RNF6: variants seen among roughly 807,000 people sequenced by gnomAD.
RNF6 encodes E3 ubiquitin-protein ligase RNF6.
Under a neutral mutation model 50.1 loss-of-function variants are expected in RNF6, and 21 were observed. The observed-to-expected ratio is 0.42, with a 90% CI of 0.30 to 0.60. The LOEUF (loss-of-function observed/expected upper bound fraction) is 0.60. Ranked by LOEUF, RNF6 falls within the 20% of genes least tolerant of loss-of-function variation. The probability of loss-of-function intolerance (pLI) is 0.20; values close to 1 mark genes in which losing one functional copy is unlikely to be tolerated. For missense variants in RNF6, 698 were observed against 838.2 expected (o/e 0.83, Z 2.07); for synonymous variants, 255 against 291.8 (o/e 0.87, Z 1.29).
chr13:26,145,259 G>A (rs1382751663), intron 5 of RNF6, among the ~76,000 whole-genome samples: 13 of 152,192 alleles, frequency 8.5e-5, no homozygotes, highest in Non-Finnish European at 1.5e-4. Context: ...ATGATAAGCC[G>A]CTGTTATTCT....
chr13:26,187,683 T>A (rs540212980), intron 5 of RNF6, among the ~76,000 whole-genome samples: 67 of 152,336 alleles, frequency 4.4e-4, no homozygotes, highest in South Asian at 2.1e-3. Flanking sequence ...TCTCTTGGAC[T>A]CCAGAGGCTG....
At chr13:26,182,556 T>C (rs1873293175) in intron 5 of RNF6, among the ~76,000 whole-genome samples, 1 of 152,080 alleles carries the variant, frequency 6.6e-6, no homozygotes, top group African/African-American at 2.4e-5. Context: ...CTTATGCCTG[T>C]AATCCCAGCA....
downstream of RNF6, among the ~76,000 whole-genome samples, chr13:26,209,786 G>GATAT (rs35139305): frequency 1.6e-3 from 220 of 140,622 alleles, 1 homozygote; most frequent in South Asian, 0.013. Context: ...GAAGATGTGA[G>GATAT]ATATATATAT....
At position 26,215,084 on chromosome 13, in the gene RNF6, T is replaced by C. The variant is rs779436632; in HGVS notation, c.798A>G (p.Glu266=). The stretch of plus-strand genomic sequence containing the variant: ...ACCGTTGCCCCTCCCTTTGCCTGAG[T>C]TCACTACCACCTGATTGGTTTGTGT... ...SSHTNQSGGS[E]LRQREGQRFG... The change falls in exon 5 of 5, where the codon GAA becomes GAG. Residue 266 remains glutamate (E), a synonymous_variant. Transcript: ENST00000381588. 1.2e-6 allele frequency: 2 copies of C among 1,614,254 alleles called. No individual in the cohort carries two copies. The highest frequency in any genetic ancestry group is 2.2e-5 in the South Asian group (2 of 91,092).
rs541317127 is a variant in RNF6 at position 26,162,059 on chromosome 13, A to G, written n.769-29608T>C. ...TATATTATGATGTTTTCACATCTTA[A>G]AAACTCTTCTGACTGGGGAGAGACT... On this transcript the variant is annotated intron_variant and non_coding_transcript_variant, in intron 5 of 5. Transcript: ENST00000468480. Among the ~76,000 whole-genome samples, 6 of 152,288 alleles carry G rather than the reference A, an allele frequency of 3.9e-5. No homozygotes were observed. In the East Asian group the frequency reaches 9.6e-4, roughly 24 times the overall value.
chr13:26,144,160 C>T (rs893856012), intron 5 of RNF6, among the ~76,000 whole-genome samples: 1 of 152,064 alleles, frequency 6.6e-6, no homozygotes, highest in Non-Finnish European at 1.5e-5. Flanking sequence ...CTCTCCATGT[C>T]AACCATGGAC....
At chr13:26,176,366 T>C (rs1470693595) in intron 5 of RNF6, among the ~76,000 whole-genome samples, 1 of 152,168 alleles carries the variant, frequency 6.6e-6, no homozygotes, top group Non-Finnish European at 1.5e-5. Flanking sequence ...CATAGCTCAC[T>C]GTATCCTTGA....
chr13:26,158,822 T>G (rs1178680216), intron 5 of RNF6, among the ~76,000 whole-genome samples: 1 of 152,208 alleles, frequency 6.6e-6, no homozygotes, highest in Non-Finnish European at 1.5e-5. Flanking sequence ...TTGCCTTTTT[T>G]GTTTGTTTCA....
chr13:26,179,164 G>A (rs895190400), intron 5 of RNF6, among the ~76,000 whole-genome samples: 1 of 151,936 alleles, frequency 6.6e-6, no homozygotes, highest in African/African-American at 2.4e-5. Flanking sequence ...CCAGAGTTCT[G>A]TAAGGGTTCT....
chr13:26,197,585 C>G (rs1338009541), intron 5 of RNF6, among the ~76,000 whole-genome samples: 1 of 151,872 alleles, frequency 6.6e-6, no homozygotes, highest in Non-Finnish European at 1.5e-5. Context: ...TCTACTTGCT[C>G]TCCCTCCCTA....
chr13:26,185,424 A>G lies in RNF6; in HGVS notation n.768+30050T>C, dbSNP rs1330597815. Among the ~76,000 whole-genome samples the G allele has an allele frequency of 2.6e-5, 4 of 152,168 alleles. No homozygotes were observed. The East Asian group carries it at 7.7e-4, about 29-fold the overall frequency. ...AACTTATAAATAAATACATATACAT[A>G]TACATTTGAAGTGCATTTTTTTTAA... On this transcript the variant is annotated intron_variant and non_coding_transcript_variant, in intron 5 of 5. Coordinates refer to the RNF6 transcript ENST00000468480.
intron 5 of RNF6, among the ~76,000 whole-genome samples, chr13:26,142,139 AC>A (rs1229000515): frequency 6.6e-6 from 1 of 152,170 alleles, no homozygotes; most frequent in African/African-American, 2.4e-5. Context: ...ACTCAACATC[AC>A]TAATGATCAG....
At chr13:26,222,570 G>C (rs1870628441), upstream of RNF6, 1 of 152,338 alleles carries the variant, frequency 6.6e-6, no homozygotes, top group Admixed American at 6.5e-5. Context: ...ACTTCCGGGT[G>C]TAACGTACTA....
rs17083313 is a variant in RNF6, at chr13:26,134,982, A to G, written n.769-2531T>C. 8.2e-3 allele frequency among the ~76,000 whole-genome samples: 1,249 copies of G among 152,340 alleles called. 12 individuals carry two copies. The highest frequency in any genetic ancestry group is 0.028 in the African/African-American group (1,176 of 41,582). On this transcript the variant is annotated intron_variant and non_coding_transcript_variant, in intron 5 of 5. Transcript: ENST00000468480. ...AAAGTTAACAAAAAAAGATTGGTAAACAAACGTGAATAGACAAATGTAAAA... is the reference window on the plus strand; with the variant it reads ...AAAGTTAACAAAAAAAGATTGGTAAGCAAACGTGAATAGACAAATGTAAAA...
In RNF6 at chr13:26,212,859, G is replaced by A. The variant is rs894583735; in HGVS notation, c.*965C>T. ...ACTCTACATTCTCTTAAAGGTTTTC[G>A]TTTTGTTTTCACTGGAGATTTTTAG... On this transcript the variant is annotated 3_prime_UTR_variant, in exon 5 of 5. Coordinates refer to ENST00000381588, the MANE Select transcript of RNF6 (RefSeq NM_005977.4). 3 of 152,092 alleles carry A rather than the reference G, an allele frequency of 2.0e-5. No homozygotes were observed. The highest frequency in any genetic ancestry group is 3.9e-4 in the East Asian group (2 of 5,192). The allele number at this position is 152,092 out of a possible 1,614,324, so 9.4% of individuals were successfully genotyped here. A position where few individuals can be genotyped will look rare whatever the true frequency, so the allele number is the denominator to read the frequency against.
At chr13:26,181,511 G>A (rs915984080) in intron 5 of RNF6, among the ~76,000 whole-genome samples, 9 of 152,190 alleles carry the variant, frequency 5.9e-5, no homozygotes, top group African/African-American at 1.2e-4. Flanking sequence ...TGCAGGTAGT[G>A]TAACCCATTG....
chr13:26,216,460 CAG>C (rs1489815055), intron 4 of RNF6, among the ~76,000 whole-genome samples: 1 of 152,084 alleles, frequency 6.6e-6, no homozygotes, highest in Non-Finnish European at 1.5e-5. Context: ...TAGTATAAAT[CAG>C]ACTTTCAATT....
intron 5 of RNF6, among the ~76,000 whole-genome samples, chr13:26,186,681 A>G (rs1319977379): frequency 6.6e-6 from 1 of 152,164 alleles, no homozygotes; most frequent in African/African-American, 2.4e-5. Flanking sequence ...GGCCACAGGT[A>G]GCGCGTTCCT....
At chr13:26,164,373 T>C (rs1375936116) in intron 5 of RNF6, among the ~76,000 whole-genome samples, 4 of 152,196 alleles carry the variant, frequency 2.6e-5, no homozygotes, top group Non-Finnish European at 5.9e-5. Flanking sequence ...CATCTTTCTA[T>C]GTTGTGTCAG....
Sources: gnomAD v4.1 joint callset for allele counts (sites outside exome capture counted in the v4.1 genomes callset) on GRCh38, gnomAD v4.1.1 for gene constraint, MANE v1.5 for transcripts, NCBI Gene and HGNC (gene_info 2026-07-23, HGNC 2026-07-21) for gene names.